LETM2: variants seen among roughly 807,000 people sequenced by gnomAD.
LETM2 encodes the protein LETM1 domain-containing protein LETM2, mitochondrial.
In LETM2, 58 loss-of-function variants were observed where a neutral mutation model predicts 59.6. That is an observed-to-expected ratio of 0.97 (90% CI 0.79 to 1.21). The LOEUF (loss-of-function observed/expected upper bound fraction) is 1.21, where lower values mean the gene tolerates loss of function less well. LETM2 is among the 50% of genes most tolerant of loss of function. The pLI is 0.00. For synonymous variants in LETM2, 199 were observed against 214.1 expected (o/e 0.93, Z 0.62); for missense variants, 572 against 575.7 (o/e 0.99, Z 0.07).
Position 38,400,892 on chromosome 8 carries a change from C to A in LETM2, c.823C>A (p.Arg275Ser). 5 of 1,614,178 alleles carry A rather than the reference C, an allele frequency of 3.1e-6. No homozygotes were observed. The highest frequency in any genetic ancestry group is 4.2e-6 in the Non-Finnish European group (5 of 1,180,032). Reference protein sequence around the residue: ...GHKPSTKEIVRFSKLFEDQLA... With the variant: ...GHKPSTKEIVSFSKLFEDQLA... ...CAAGCCCAGCACAAAGGAGATAGTT[C>A]GCTTCTCCAAACTATTTGAGGACCA... Residue 275 changes from arginine (R) to serine (S), a missense_variant, in exon 6 of 11, where the codon CGC becomes AGC. By Grantham distance (110) the Arg-to-Ser change is moderately radical. Transcript: ENST00000379957.
Position 38,404,419 on chromosome 8 carries a change from C to T in LETM2, c.1131C>T (p.Asn377=). 6.2e-7 allele frequency: 1 copy of T among 1,613,136 alleles called. No homozygotes were observed. The highest frequency in any genetic ancestry group is 8.5e-7 in the Non-Finnish European group (1 of 1,179,124). ...TEWQDLHLKE[N]VPPSLLLLSR... ...GGCAGGACCTCCACCTGAAGGAGAA[C>T]GTCCCTCCTTCCCTTTTGCTCCTGT... Residue 377 remains asparagine, a synonymous_variant, in exon 8 of 11, where the codon AAC becomes AAT. Transcript: ENST00000379957.
chr8:38,392,912 C>A lies in LETM2; in HGVS notation c.418C>A (p.Leu140Ile). Residue 140 changes from leucine (L) to isoleucine (I), a missense_variant, in exon 3 of 11, where the codon CTT becomes ATT. By Grantham distance (5) the Leu-to-Ile change is conservative. Transcript: ENST00000379957. ...LKYYYNGFYL[L>I]WIDAKVAARM... ...ATATTATTACAATGGATTCTACTTA[C>A]TTTGGATTGACGCCAAAGTTGCTGC... is the stretch of plus-strand genomic sequence containing the variant. 1 of 1,613,432 alleles carries A rather than the reference C, an allele frequency of 6.2e-7. No individual in the cohort carries two copies. Among genetic ancestry groups the A allele is most frequent in the Non-Finnish European group, 8.5e-7 (1 of 1,180,034 alleles).
At chr8:38,407,568 A>C (rs1322255778) in intron 10 of LETM2, 105 bp downstream of exon 10, 5 of 755,656 alleles carry the variant, frequency 6.6e-6, no homozygotes, top group Non-Finnish European at 1.1e-5. Flanking sequence ...AACACTGCAC[A>C]ATTCTTCCTG....
rs200341905 is a variant in LETM2 at position 38,403,917 on chromosome 8, G to A, written c.1105-476G>A. On this transcript the variant is annotated intron_variant, in intron 7 of 10. Coordinates refer to ENST00000379957, the MANE Select transcript of LETM2 (RefSeq NM_001286819.2). ...TCTGTCGCCCAGGCTGGAGTGCAGT[G>A]GCACTAACACAGGCCACTGCAGCCT... is the stretch of plus-strand genomic sequence containing the variant. Among the ~76,000 whole-genome samples, 6 of 152,240 alleles carry A rather than the reference G, an allele frequency of 3.9e-5. No individual in the cohort carries two copies. In the East Asian group the frequency reaches 1.2e-3, roughly 29 times the overall value.
chr8:38,406,872 T>C (rs920437165), intron 8 of LETM2, 74 bp from the exon 9 acceptor site: 11 of 918,728 alleles, frequency 1.2e-5, no homozygotes, highest in East Asian at 2.4e-5. Context: ...AAAAAAGGCA[T>C]TGACTACTGT....
rs1212031824 is a variant in LETM2, at chr8:38,392,798, G to A, written c.304G>A (p.Val102Met). The A allele has an allele frequency of 6.2e-7, 1 of 1,613,996 alleles. No individual in the cohort carries two copies. Among genetic ancestry groups the A allele is most frequent in the African/African-American group, 1.3e-5 (1 of 74,920 alleles). Residue 102 changes from valine (V) to methionine (M), a missense_variant, in exon 3 of 11, where the codon GTG becomes ATG. Transcript: ENST00000379957. Reference protein sequence around the residue: ...QLEQATKHPQVTSPQATKETG... With the variant: ...QLEQATKHPQMTSPQATKETG... The stretch of plus-strand genomic sequence containing the variant: ...GGAGCAAGCCACAAAACATCCACAG[G>A]TGACAAGCCCTCAGGCCACAAAAGA...
At chr8:38,396,170 T>TTA (rs1181952683) in intron 4 of LETM2, among the ~76,000 whole-genome samples, 167 of 149,286 alleles carry the variant, frequency 1.1e-3, no homozygotes, top group African/African-American at 3.7e-3. Flanking sequence ...ATTTATTTAT[T>TTA]TTTTTTTTTT....
At chr8:38,405,793 GTC>G (rs1813667341) in intron 8 of LETM2, among the ~76,000 whole-genome samples, 1 of 152,196 alleles carries the variant, frequency 6.6e-6, no homozygotes, top group Admixed American at 6.5e-5. Flanking sequence ...GGAGCTCACT[GTC>G]TCAGCTAAAT....
rs1490260352 is a variant in LETM2, at chr8:38,407,409, A to C, written c.1359A>C (p.Thr453=). The C allele has an allele frequency of 6.2e-7, 1 of 1,613,550 alleles. No individual in the cohort carries two copies. ...CACCAGTTACATCATCACCCATAAC[A>C]CCATCAACACCTATTTCATTACCTA... ...QPPPVTSSPI[T]PSTPISLPKG... Residue 453 remains threonine, a synonymous_variant, in exon 10 of 11, where the codon ACA becomes ACC. Coordinates refer to ENST00000379957, the MANE Select transcript of LETM2 (RefSeq NM_001286819.2).
At chr8:38,383,887 G>A (rs1170812319), upstream of LETM2, among the ~76,000 whole-genome samples, 2 of 148,938 alleles carry the variant, frequency 1.3e-5, no homozygotes, top group Non-Finnish European at 3.0e-5. Context: ...CCGAGATCGC[G>A]CCACTGCACT....
chr8:38,391,308 T>G (rs1812248513), intron 2 of LETM2, among the ~76,000 whole-genome samples: 1 of 144,468 alleles, frequency 6.9e-6, no homozygotes, highest in Non-Finnish European at 1.5e-5. Context: ...TAGTTTTTTT[T>G]TTTTTTTTTT....
chr8:38,400,651 A>G (rs1262217385), intron 5 of LETM2: 2 of 661,014 alleles, frequency 3.0e-6, no homozygotes, highest in Admixed American at 3.1e-5. Flanking sequence ...CAGTAGATTT[A>G]GAGTCAAACT....
intron 2 of LETM2, among the ~76,000 whole-genome samples, chr8:38,390,063 T>A (rs1486978446): frequency 2.0e-5 from 3 of 146,420 alleles, no homozygotes; most frequent in African/African-American, 7.6e-5. Flanking sequence ...TCTACAAAAA[T>A]TTTTAAAACT....
chr8:38,385,817 C>CT (rs1811752778), upstream of LETM2, among the ~76,000 whole-genome samples: 1 of 152,208 alleles, frequency 6.6e-6, no homozygotes, highest in African/African-American at 2.4e-5. Flanking sequence ...GTTGGCCATC[C>CT]TAGGAACTGA....
Position 38,408,839 on chromosome 8 carries a change from G to A in LETM2, c.*565G>A, listed in dbSNP as rs1223650913. The A allele has an allele frequency of 6.6e-6, 1 of 152,422 alleles. No individual in the cohort carries two copies. Among genetic ancestry groups the A allele is most frequent in the African/African-American group, 2.4e-5 (1 of 41,452 alleles). The allele number at this position is 152,422 out of a possible 1,614,324, so 9.4% of individuals were successfully genotyped here. On this transcript the variant is annotated 3_prime_UTR_variant, in exon 11 of 11. Coordinates refer to ENST00000379957, the MANE Select transcript of LETM2 (RefSeq NM_001286819.2). ...AACAGACTGGCAATCAGAAAGATTT[G>A]GCTGCTTCCGACACCTCCATCTTGG...
upstream of LETM2, chr8:38,383,095 G>A (rs1407781262): frequency 6.6e-6 from 1 of 152,246 alleles, no homozygotes; most frequent in Non-Finnish European, 1.5e-5. Context: ...ACGGCTCCGT[G>A]ACCGTCACGT....
intron 4 of LETM2, among the ~76,000 whole-genome samples, chr8:38,398,062 C>A (rs954296708): frequency 6.6e-6 from 1 of 151,730 alleles, no homozygotes; most frequent in Non-Finnish European, 1.5e-5. Context: ...ATCACTTAAA[C>A]CTGGGACGCA....
At chr8:38,387,744 T>C (rs1213689323) in intron 1 of LETM2, among the ~76,000 whole-genome samples, 2 of 152,084 alleles carry the variant, frequency 1.3e-5, no homozygotes, top group Non-Finnish European at 2.9e-5. Flanking sequence ...TTAGAGATCA[T>C]TACCGTTTGT....
chr8:38,397,814 C>A (rs1206095595), intron 4 of LETM2, among the ~76,000 whole-genome samples: 1 of 151,982 alleles, frequency 6.6e-6, no homozygotes, highest in Non-Finnish European at 1.5e-5. Flanking sequence ...AGAGAGATGA[C>A]AGAGAATACA....
Sources: gnomAD v4.1 joint callset for allele counts (sites outside exome capture counted in the v4.1 genomes callset) on GRCh38, gnomAD v4.1.1 for gene constraint, MANE v1.5 for transcripts, NCBI Gene and HGNC (gene_info 2026-07-23, HGNC 2026-07-21) for gene names.